CYTH4: variants seen among roughly 807,000 people sequenced by gnomAD.
The protein encoded by CYTH4 is cytohesin-4.
Under a neutral mutation model 57.5 loss-of-function variants are expected in CYTH4, and 22 were observed. The observed-to-expected ratio is 0.38, with a 90% CI of 0.27 to 0.55. The LOEUF (loss-of-function observed/expected upper bound fraction) is 0.55. Among genes scored for constraint, CYTH4 ranks in the 20% least tolerant of loss-of-function variants. The pLI, the probability that CYTH4 is intolerant of heterozygous loss-of-function variation, is 0.74. For missense variants in CYTH4, 420 were observed against 535.6 expected, an observed-to-expected ratio of 0.78 and a Z score of 2.13; for synonymous variants, 186 against 206.5, an observed-to-expected ratio of 0.90 and a Z score of 0.85.
Position 37,296,059 on chromosome 22 carries a change from C to A in CYTH4, c.228C>A (p.Pro76=). The A allele has an allele frequency of 1.2e-6, 2 of 1,612,542 alleles. No individual in the cohort carries two copies. The highest frequency in any genetic ancestry group is 1.7e-6 in the Non-Finnish European group (2 of 1,179,248). ...GGCGCAAGAAGTTCAACATGGACCCCGCCAAGGTAGGTGGCTGTGGAGGGC... is the reference window on the plus strand; with the variant it reads ...GGCGCAAGAAGTTCAACATGGACCCAGCCAAGGTAGGTGGCTGTGGAGGGC... The part of the protein sequence containing the change: ...CIGRKKFNMD[P]AKGIQYFIEH... The change falls in exon 4 of 13, where the codon CCC becomes CCA. Residue 76 remains proline, a synonymous_variant. Transcript: ENST00000248901.
chr22:37,283,545 A>T (rs6000650), intron 1 of CYTH4, among the ~76,000 whole-genome samples: 111 of 151,028 alleles, frequency 7.3e-4, no homozygotes, highest in African/African-American at 2.5e-3. Context: ...GGCCCCGCCC[A>T]CTGGGCATCC....
Position 37,308,588 on chromosome 22 carries a change from ATG to A in CYTH4, c.697-620_697-619del, listed in dbSNP as rs201438128. Reference sequence around the variant, plus strand: ...TATACATGTATGTGTGAGCGTGTATATGTGTCTGAGTGTGCATGTATGTGTGC... The same window carrying A: ...TATACATGTATGTGTGAGCGTGTATATGTCTGAGTGTGCATGTATGTGTGC... On this transcript the variant is annotated intron_variant, in intron 8 of 12. Transcript: ENST00000248901. Among the ~76,000 whole-genome samples, 1,133 of 146,912 alleles carry A rather than the reference ATG, an allele frequency of 7.7e-3. 16 individuals carry two copies. The highest frequency in any genetic ancestry group is 0.026 in the African/African-American group (1,045 of 39,560).
In CYTH4 at chr22:37,313,535, G is replaced by T. The variant is rs761439646; in HGVS notation, c.*24G>T. On this transcript the variant is annotated 3_prime_UTR_variant, in exon 13 of 13. Transcript: ENST00000248901. Reference sequence around the variant, plus strand: ...GAGATTCCTGGAGGTGGCACTGGGGGCTGGTCACCCTGAGAGTCCCATCGC... The same window carrying T: ...GAGATTCCTGGAGGTGGCACTGGGGTCTGGTCACCCTGAGAGTCCCATCGC... 9.9e-6 allele frequency: 16 copies of T among 1,611,912 alleles called. No individual in the cohort carries two copies. The East Asian group carries it at 3.6e-4, about 36-fold the overall frequency.
chr22:37,303,215 TGGCCAG>T, intron 7 of CYTH4, 33 bp from the exon 8 acceptor site: 2 of 1,608,180 alleles, frequency 1.2e-6, no homozygotes, highest in Non-Finnish European at 1.7e-6. Context: ...GCAGGGAGAG[TGGCCAG>T]GGCCAGAACT....
intron 8 of CYTH4, among the ~76,000 whole-genome samples, chr22:37,307,629 G>A (rs1280984962): frequency 6.6e-6 from 1 of 152,206 alleles, no homozygotes; most frequent in Non-Finnish European, 1.5e-5. Context: ...AACTTTGAGA[G>A]AGTCAAATGA....
intron 7 of CYTH4, 24 bp from the exon 8 acceptor site, chr22:37,303,230 C>T: frequency 6.2e-7 from 1 of 1,613,242 alleles, no homozygotes; most frequent in Non-Finnish European, 8.5e-7. Flanking sequence ...AGGGCCAGAA[C>T]TGTGACCGCT....
intron 8 of CYTH4, among the ~76,000 whole-genome samples, chr22:37,306,345 C>T (rs903887491): frequency 1.3e-5 from 2 of 152,212 alleles, no homozygotes; most frequent in Non-Finnish European, 2.9e-5. Flanking sequence ...GGGTCCTTGC[C>T]CAGGCCTCTC....
At chr22:37,296,169 G>T in intron 4 of CYTH4, 104 bp downstream of exon 4, 1 of 1,217,784 alleles carries the variant, frequency 8.2e-7, no homozygotes. Flanking sequence ...CCTTTCCAGA[G>T]GAGGAAGCTG....
chr22:37,299,875 C>G (rs1254960407), intron 6 of CYTH4, among the ~76,000 whole-genome samples: 2 of 152,148 alleles, frequency 1.3e-5, no homozygotes, highest in Non-Finnish European at 2.9e-5. Flanking sequence ...CCTGTAATCC[C>G]AGCTACTCGG....
intron 3 of CYTH4, 141 bp downstream of exon 3, chr22:37,294,865 C>G: frequency 9.9e-7 from 1 of 1,014,004 alleles, no homozygotes; most frequent in Non-Finnish European, 1.5e-6. Flanking sequence ...GAGGCAGCAA[C>G]GAGACCGGAA....
At chr22:37,300,156 C>G in intron 6 of CYTH4, 2 of 717,562 alleles carry the variant, frequency 2.8e-6, no homozygotes, top group Non-Finnish European at 5.2e-6. Context: ...AACTCAGATT[C>G]CGAGAAGGAG....
chr22:37,303,143 C>G lies in CYTH4; in HGVS notation c.548-111C>G, dbSNP rs145579353. The stretch of plus-strand genomic sequence containing the variant: ...GGCCTCAAAGCCCAAGCCAGGAGGA[C>G]AAGGTGGACCTTCGGGGCCTTGCAA... On this transcript the variant is annotated intron_variant, in intron 7 of 12. Coordinates refer to ENST00000248901, the MANE Select transcript of CYTH4 (RefSeq NM_013385.5). 1.2e-5 allele frequency: 18 copies of G among 1,452,420 alleles called. No individual in the cohort carries two copies. The Admixed American group carries it at 2.4e-4, about 19-fold the overall frequency. The allele number at this position is 1,452,420 out of a possible 1,614,324, so 90.0% of individuals were successfully genotyped here. A position where few individuals can be genotyped will look rare whatever the true frequency, so the allele number is the denominator to read the frequency against.
At chr22:37,301,073 G>A in intron 7 of CYTH4, 54 bp downstream of exon 7, 2 of 1,506,558 alleles carry the variant, frequency 1.3e-6, no homozygotes, top group East Asian at 2.3e-5. Context: ...GCATTGCCAG[G>A]CATAGATTTC....
At chr22:37,286,862 A>G (rs1334905558) in intron 1 of CYTH4, among the ~76,000 whole-genome samples, 1 of 152,120 alleles carries the variant, frequency 6.6e-6, no homozygotes, top group Admixed American at 6.5e-5. Context: ...GGGAAACTGG[A>G]CCAGAATGGG....
At chr22:37,297,956 A>G (rs1929037106) in intron 5 of CYTH4, 4 of 286,098 alleles carry the variant, frequency 1.4e-5, no homozygotes, top group African/African-American at 4.4e-5. Flanking sequence ...TAAGACAGAC[A>G]AAACTCTTGT....
At chr22:37,297,716 A>G in intron 5 of CYTH4, 34 bp downstream of exon 5, 1 of 1,579,718 alleles carries the variant, frequency 6.3e-7, no homozygotes, top group Non-Finnish European at 8.7e-7. Context: ...GAGGCAGGAA[A>G]TGAAGGTGTG....
rs774754977 is a variant in CYTH4, at chr22:37,296,087, G to C, written c.234+22G>C. 3.0e-5 allele frequency: 48 copies of C among 1,607,510 alleles called. 1 individual carries two copies. In the South Asian group the frequency reaches 5.2e-4, roughly 17 times the overall value. On this transcript the variant is annotated intron_variant, in intron 4 of 12. Transcript: ENST00000248901. ...CAAGGTAGGTGGCTGTGGAGGGCCC[G>C]GGCCACAGGGTGTGGGGGCTGCATG... is the stretch of plus-strand genomic sequence containing the variant.
intron 8 of CYTH4, 132 bp from the exon 9 acceptor site, chr22:37,309,080 C>T (rs902545178): frequency 1.0e-5 from 7 of 698,198 alleles, no homozygotes; most frequent in Admixed American, 5.8e-5. Context: ...CCAGGGACCA[C>T]GATAAACAGG....
At chr22:37,309,964 C>T (rs1476513943) in intron 9 of CYTH4, 4 of 466,268 alleles carry the variant, frequency 8.6e-6, no homozygotes, top group South Asian at 6.3e-5. Flanking sequence ...CTGCCCCTGC[C>T]TCCCACACAC....
Sources: allele counts gnomAD v4.1 joint callset (sites outside exome capture counted in the v4.1 genomes callset), GRCh38; gene constraint gnomAD v4.1.1; transcripts MANE v1.5; gene names NCBI Gene and HGNC (gene_info 2026-07-23, HGNC 2026-07-21).